The following COP1 variants were observed in gnomAD, a reference collection of about 807,000 sequenced individuals.
COP1 encodes E3 ubiquitin-protein ligase COP1.
A neutral mutation model predicts 101.3 loss-of-function variants in COP1; 24 were observed. The observed-to-expected ratio is 0.24, with a 90% CI of 0.17 to 0.33. COP1 has a LOEUF of 0.33. COP1 is among the 10% of genes least tolerant of loss of function. The probability of loss-of-function intolerance (pLI) is 1.00; values close to 1 mark genes in which losing one functional copy is unlikely to be tolerated. For missense variants in COP1, 663 were observed against 906.2 expected, an observed-to-expected ratio of 0.73 and a Z score of 3.45; for synonymous variants, 347 against 341.9, an observed-to-expected ratio of 1.01 and a Z score of -0.17.
At chr1:176,104,769 C>G (rs1289708945) in intron 9 of COP1, among the ~76,000 whole-genome samples, 5 of 152,050 alleles carry the variant, frequency 3.3e-5, no homozygotes, top group African/African-American at 1.2e-4. Context: ...TACCTTTGAC[C>G]CAGCAATCCC....
At chr1:176,107,638 T>G (rs1205986143) in intron 9 of COP1, among the ~76,000 whole-genome samples, 3 of 152,126 alleles carry the variant, frequency 2.0e-5, no homozygotes, top group Admixed American at 6.6e-5. Flanking sequence ...TTTGGACAAC[T>G]AACACATTAA....
chr1:176,100,822 C>T (rs1272673921), intron 9 of COP1, among the ~76,000 whole-genome samples: 1 of 152,130 alleles, frequency 6.6e-6, no homozygotes, highest in Non-Finnish European at 1.5e-5. Flanking sequence ...CACAGCTTCA[C>T]CATAGCATTC....
chr1:176,119,278 T>TA (rs1686709999), intron 8 of COP1, among the ~76,000 whole-genome samples: 2 of 152,218 alleles, frequency 1.3e-5, no homozygotes, highest in Admixed American at 6.5e-5. Flanking sequence ...ATAACACTAA[T>TA]AAAATTGTGT....
chr1:176,132,618 TATATACACAC>T (rs1689093928), intron 8 of COP1, among the ~76,000 whole-genome samples: 1 of 104,560 alleles, frequency 9.6e-6, no homozygotes, highest in Non-Finnish European at 1.9e-5. Flanking sequence ...ATATATACTA[TATATACACAC>T]ATATACACAT....
At chr1:176,150,408 G>C (rs1475944513) in intron 5 of COP1, among the ~76,000 whole-genome samples, 5 of 152,098 alleles carry the variant, frequency 3.3e-5, no homozygotes, top group Admixed American at 6.5e-5. Context: ...ATTTTTTCTT[G>C]CATGACAAAC....
chr1:176,083,068 G>A (rs1444574056), intron 10 of COP1, among the ~76,000 whole-genome samples: 7 of 152,028 alleles, frequency 4.6e-5, no homozygotes, highest in Non-Finnish European at 5.9e-5. Context: ...GAAATTCCAC[G>A]TATTATAAAT....
intron 3 of COP1, among the ~76,000 whole-genome samples, chr1:176,168,386 G>A (rs1426568073): frequency 1.3e-5 from 2 of 148,346 alleles, no homozygotes; most frequent in African/African-American, 5.0e-5. Context: ...GAGAAAGGTA[G>A]AGAAAAAGAC....
intron 18 of COP1, among the ~76,000 whole-genome samples, chr1:175,961,515 A>C (rs1651343406): frequency 6.6e-6 from 1 of 152,082 alleles, no homozygotes; most frequent in African/African-American, 2.4e-5. Context: ...ACCATAGGCC[A>C]ACAGGGGAAA....
At position 176,052,803 on chromosome 1, in the gene COP1, A is replaced by T. The variant is rs111724138; in HGVS notation, c.1278-6479T>A. ...TATTTGGTTTTTTTCAATTAAACATATGAGATGACATCATATATACTGATT... is the reference window on the plus strand; with the variant it reads ...TATTTGGTTTTTTTCAATTAAACATTTGAGATGACATCATATATACTGATT... On this transcript the variant is annotated intron_variant, in intron 11 of 19. Coordinates refer to ENST00000367669, the MANE Select transcript of COP1 (RefSeq NM_022457.7). Among the ~76,000 whole-genome samples, 877 of 152,220 alleles carry T rather than the reference A, an allele frequency of 5.8e-3. 11 individuals are homozygous for T. The highest frequency in any genetic ancestry group is 0.02 in the African/African-American group (851 of 41,526).
chr1:176,206,767 G>A lies in COP1; in HGVS notation c.212C>T (p.Ala71Val). 2 of 1,507,580 alleles carry A rather than the reference G, an allele frequency of 1.3e-6. No homozygotes were observed. The highest frequency in any genetic ancestry group is 1.2e-5 in the South Asian group (1 of 81,490). 93.4% of individuals were successfully genotyped at this position (1,507,580 alleles called of 1,614,324 possible). Residue 71 changes from alanine to valine, a missense_variant, in exon 1 of 20, where the codon GCG becomes GTG. Around this residue, in one of 4 missense-constraint regions of COP1, gnomAD observed 204 missense variants for 203.6 expected, o/e 1.00. Transcript: ENST00000367669. ...LGGPVRPVLV[A>V]PAVSGSGGGA... ...GCCGCCGCTACCCGATACGGCGGGC[G>A]CCACCAACACAGGCCGCACCGGGCC...
At chr1:176,157,509 G>T (rs1693659024) in intron 5 of COP1, among the ~76,000 whole-genome samples, 1 of 152,150 alleles carries the variant, frequency 6.6e-6, no homozygotes, top group Non-Finnish European at 1.5e-5. Flanking sequence ...GTTCCCAGCA[G>T]CCAGAGTAGA....
chr1:176,189,221 A>C (rs894111983), intron 1 of COP1, among the ~76,000 whole-genome samples: 1 of 152,114 alleles, frequency 6.6e-6, no homozygotes, highest in Non-Finnish European at 1.5e-5. Flanking sequence ...AAGACAATGG[A>C]GCAGGCACTG....
In COP1 at chr1:176,067,910, C is replaced by A. The variant is rs929893853; in HGVS notation, c.1277+13242G>T. On this transcript the variant is annotated intron_variant, in intron 11 of 19. Transcript: ENST00000367669. ...ACGCTCCCACGATCTGCCTGTCTGT[C>A]CCCTCCCCATAGGGTCACAACTCCT... Among the ~76,000 whole-genome samples, 29 of 152,326 alleles carry A rather than the reference C, an allele frequency of 1.9e-4. 1 individual carries two copies. The highest frequency in any genetic ancestry group is 6.7e-4 in the African/African-American group (28 of 41,574).
chr1:175,961,991 G>A (rs1022087452), intron 18 of COP1, among the ~76,000 whole-genome samples: 1 of 152,092 alleles, frequency 6.6e-6, no homozygotes, highest in South Asian at 2.1e-4. Flanking sequence ...GAAAATATGA[G>A]GTGGGGTAAG....
intron 11 of COP1, among the ~76,000 whole-genome samples, chr1:176,061,452 C>T (rs1412232584): frequency 6.6e-6 from 1 of 152,092 alleles, no homozygotes; most frequent in Non-Finnish European, 1.5e-5. Context: ...CATGGAAACA[C>T]CTTATCTCTA....
intron 9 of COP1, among the ~76,000 whole-genome samples, chr1:176,097,567 T>A (rs889636902): frequency 6.6e-6 from 1 of 152,138 alleles, no homozygotes; most frequent in Non-Finnish European, 1.5e-5. Flanking sequence ...CTTTTTTTTA[T>A]AGAGCTTTTT....
At chr1:176,138,124 A>C (rs1260220168) in intron 6 of COP1, among the ~76,000 whole-genome samples, 1 of 152,170 alleles carries the variant, frequency 6.6e-6, no homozygotes, top group Non-Finnish European at 1.5e-5. Flanking sequence ...AATTCTGCCA[A>C]GTGGAAAACA....
In COP1 at chr1:175,988,313, A is replaced by G. The variant is rs540513088; in HGVS notation, c.1947T>C (p.Ala649=). The change falls in exon 17 of 20, where the codon GCT becomes GCC. Residue 649 remains alanine (A), a synonymous_variant. Transcript: ENST00000367669. Reference sequence around the variant, plus strand: ...CACAAGCTATATAATCTCCATTGGAAGCCAGGCCTACAAAGTTTTTTTCAT... The same window carrying G: ...CACAAGCTATATAATCTCCATTGGAGGCCAGGCCTACAAAGTTTTTTTCAT... ...HINEKNFVGL[A]SNGDYIACGS... 1.2e-6 allele frequency: 2 copies of G among 1,612,386 alleles called. No homozygotes were observed. Among genetic ancestry groups the G allele is most frequent in the African/African-American group, 1.3e-5 (1 of 75,028 alleles).
At chr1:176,022,600 G>C (rs1666936675) in intron 15 of COP1, among the ~76,000 whole-genome samples, 1 of 152,198 alleles carries the variant, frequency 6.6e-6, no homozygotes, top group African/African-American at 2.4e-5. Flanking sequence ...GAAGATGACT[G>C]AATATCGGTC....
Sources: gnomAD v4.1 joint callset for allele counts (sites outside exome capture counted in the v4.1 genomes callset) on GRCh38, gnomAD v4.1.1 for gene constraint, gnomAD v4.1.1 regional missense constraint, MANE v1.5 for transcripts, NCBI Gene and HGNC (gene_info 2026-07-23, HGNC 2026-07-21) for gene names.